HNRNPH1: variants seen among roughly 807,000 people sequenced by gnomAD.
HNRNPH1 encodes heterogeneous nuclear ribonucleoprotein H1.
HNRNPH1 carries 4 observed loss-of-function variants against 58.6 expected under a neutral mutation model. The observed-to-expected ratio is 0.07, with a 90% CI of 0.03 to 0.16. The LOEUF is 0.16. Ranked by LOEUF, HNRNPH1 falls within the 10% of genes least tolerant of loss-of-function variation. The probability of loss-of-function intolerance (pLI) is 1.00; values close to 1 mark genes in which losing one functional copy is unlikely to be tolerated. For synonymous variants in HNRNPH1, 192 were observed against 189.2 expected (o/e 1.01, Z -0.12); for missense variants, 271 against 564.2 (o/e 0.48, Z 5.26).
rs1769672588 is a variant in HNRNPH1, at chr5:179,616,379, T to C, written c.1208-161A>G. The C allele has an allele frequency of 3.2e-6, 2 of 633,084 alleles. 1 individual carries two copies. Among genetic ancestry groups the C allele is most frequent in the South Asian group, 3.6e-5 (2 of 54,938 alleles). 39.2% of individuals were successfully genotyped at this position (633,084 alleles called of 1,614,324 possible). A position where few individuals can be genotyped will look rare whatever the true frequency, so the allele number is the denominator to read the frequency against. On this transcript the variant is annotated intron_variant, in intron 10 of 12. Transcript: ENST00000356731. ...ACTGTCTATAACCAGGCCACCCTTCTATCCATCATTTGAGCCAGTCAAATA... is the reference window on the plus strand; with the variant it reads ...ACTGTCTATAACCAGGCCACCCTTCCATCCATCATTTGAGCCAGTCAAATA...
At chr5:179,624,537 G>A (rs4078141) in exon 1 of HNRNPH1, 154,837 of 398,568 alleles carry the variant, frequency 0.39, 32,796 homozygotes, top group East Asian at 0.71. Context: ...GGTTACCGCT[G>A]CATCTCCCAG....
At chr5:179,618,626 T>C (rs937491178) in intron 4 of HNRNPH1, 16 of 224,402 alleles carry the variant, frequency 7.1e-5, no homozygotes, top group African/African-American at 3.4e-4. Context: ...CACTCAACTT[T>C]CAACATTTCA....
At chr5:179,621,507 A>C in intron 1 of HNRNPH1, 110 bp from the exon 3 acceptor site, 1 of 900,538 alleles carries the variant, frequency 1.1e-6, no homozygotes, top group Non-Finnish European at 1.7e-6. Context: ...TAACTTGTGA[A>C]GCCTATATAT....
At chr5:179,621,528 A>G (rs1011301014) in intron 1 of HNRNPH1, 131 bp from the exon 3 acceptor site, 6 of 695,850 alleles carry the variant, frequency 8.6e-6, no homozygotes, top group Non-Finnish European at 1.4e-5. Context: ...ACTGACCACG[A>G]TATTACCAAC....
At position 179,623,167 on chromosome 5, in the gene HNRNPH1, G is replaced by A. The variant is rs1399689170; in HGVS notation, c.-34C>T. 1.3e-6 allele frequency: 2 copies of A among 1,504,068 alleles called. No individual in the cohort carries two copies. Among genetic ancestry groups the A allele is most frequent in the Admixed American group, 1.7e-5 (1 of 58,980 alleles). The allele number at this position is 1,504,068 out of a possible 1,614,324, so 93.2% of individuals were successfully genotyped here. On this transcript the variant is annotated 5_prime_UTR_variant, in exon 1 of 13. Transcript: ENST00000356731. ...ACGCGGTCCGGCGTCGAAACAAACTGCAAAGCGGGGAGGACCAGAACTGAG... is the reference window on the plus strand; with the variant it reads ...ACGCGGTCCGGCGTCGAAACAAACTACAAAGCGGGGAGGACCAGAACTGAG...
At chr5:179,634,123 GGTGCCA>G (rs1775065473) in exon 2 of HNRNPH1, 2 of 144,332 alleles carry the variant, frequency 1.4e-5, no homozygotes, top group Non-Finnish European at 3.0e-5. Context: ...GCTTCGCGCA[GGTGCCA>G]CTGCACAGAC....
chr5:179,632,111 C>T (rs1253303090), intron 2 of HNRNPH1, among the ~76,000 whole-genome samples: 13 of 151,940 alleles, frequency 8.6e-5, no homozygotes, highest in South Asian at 2.1e-4. Context: ...TCGAGACCAT[C>T]CCGGCTAACA....
chr5:179,618,363 G>GAAA (rs1413597126), intron 4 of HNRNPH1, 40 bp from the exon 6 acceptor site: 10 of 1,386,318 alleles, frequency 7.2e-6, no homozygotes, highest in Non-Finnish European at 1.0e-5. Flanking sequence ...GGAGGGGAGA[G>GAAA]AAAACATTAG....
rs1168892146 is a variant in HNRNPH1, at chr5:179,616,646, T to TC, written c.1207+222dup. 5.3e-6 allele frequency: 3 copies of TC among 568,860 alleles called. No individual in the cohort carries two copies. The East Asian group carries it at 8.7e-5, about 16-fold the overall frequency. 35.2% of individuals were successfully genotyped at this position (568,860 alleles called of 1,614,324 possible). On this transcript the variant is annotated intron_variant, in intron 10 of 12. Transcript: ENST00000356731. ...AAATTTAAGTAGTTTCACTCCGTAG[T>TC]CCCCTCCCCCAAGACTACTTAAACC...
chr5:179,633,830 G>C (rs1369541211), intron 2 of HNRNPH1: 1 of 152,152 alleles, frequency 6.6e-6, no homozygotes, highest in Admixed American at 6.6e-5. Flanking sequence ...AGAATTGTTT[G>C]AACCGGGGAG....
chr5:179,616,245 C>A (rs775512856), intron 10 of HNRNPH1, 27 bp from the exon 12 acceptor site: 14 of 1,574,024 alleles, frequency 8.9e-6, no homozygotes, highest in Non-Finnish European at 1.2e-5. Context: ...ACATTAGAAC[C>A]TTTTTTCTTA....
chr5:179,615,093 G>T, intron 12 of HNRNPH1, 134 bp from the exon 14 acceptor site: 1 of 640,726 alleles, frequency 1.6e-6, no homozygotes, highest in East Asian at 2.8e-5. Context: ...ACGCATGTTT[G>T]GGAAAGGGGA....
At chr5:179,634,147 T>G (rs1775066737) in exon 2 of HNRNPH1, 1 of 141,342 alleles carries the variant, frequency 7.1e-6, no homozygotes, top group South Asian at 2.4e-4. Flanking sequence ...GACTCTCCCT[T>G]CAGAGCAGCG....
upstream of HNRNPH1, among the ~76,000 whole-genome samples, chr5:179,626,367 A>G (rs1445785131): frequency 6.6e-6 from 1 of 151,738 alleles, no homozygotes; most frequent in Non-Finnish European, 1.5e-5. Flanking sequence ...GGCCTCCCAA[A>G]GTACTGAGAT....
At chr5:179,632,661 G>T (rs1313072757) in intron 2 of HNRNPH1, among the ~76,000 whole-genome samples, 2 of 152,220 alleles carry the variant, frequency 1.3e-5, no homozygotes, top group African/African-American at 4.8e-5. Flanking sequence ...TCCTCCAGGC[G>T]GACAACGCAG....
exon 1 of HNRNPH1, chr5:179,624,233 G>A (rs1774101039): frequency 5.8e-6 from 2 of 345,726 alleles, no homozygotes; most frequent in Admixed American, 4.8e-5. Flanking sequence ...TGGGAGCTGC[G>A]GGGCTGCGGA....
upstream of HNRNPH1, among the ~76,000 whole-genome samples, chr5:179,628,877 AGT>A: frequency 6.6e-6 from 1 of 152,282 alleles, no homozygotes; most frequent in South Asian, 2.1e-4. Context: ...GCTACACAGG[AGT>A]GTGAGGTGGG....
chr5:179,623,827 C>T (rs916372229), exon 1 of HNRNPH1: 1 of 152,402 alleles, frequency 6.6e-6, no homozygotes, highest in Non-Finnish European at 1.5e-5. Context: ...TTATTACACG[C>T]TTGGGTTTTG....
intron 2 of HNRNPH1, among the ~76,000 whole-genome samples, chr5:179,632,255 C>T (rs1404548899): frequency 2.6e-5 from 4 of 151,680 alleles, no homozygotes; most frequent in Non-Finnish European, 4.4e-5. Flanking sequence ...TTGCAGTGAG[C>T]CAAGATCCCG....
Sources: allele counts gnomAD v4.1 joint callset (sites outside exome capture counted in the v4.1 genomes callset), GRCh38; gene constraint gnomAD v4.1.1; transcripts MANE v1.5; gene names NCBI Gene and HGNC (gene_info 2026-07-23, HGNC 2026-07-21).